GAS2: variants seen among roughly 807,000 people sequenced by gnomAD.
The protein encoded by GAS2 is growth arrest specific 2.
GAS2 carries 20 observed loss-of-function variants against 37.5 expected under a neutral mutation model. That is an observed-to-expected ratio of 0.53 (90% CI 0.37 to 0.77). GAS2 has a LOEUF of 0.77. GAS2 is among the 30% of genes least tolerant of loss of function. GAS2 has a pLI of 0.00. For synonymous variants in GAS2, 144 were observed against 132.2 expected (o/e 1.09, Z -0.61); for missense variants, 336 against 373.4 (o/e 0.90, Z 0.82).
chr11:22,765,438 T>C (rs987510552), intron 7 of GAS2, among the ~76,000 whole-genome samples: 1 of 152,194 alleles, frequency 6.6e-6, no homozygotes, highest in Non-Finnish European at 1.5e-5. Flanking sequence ...ATCCTATATT[T>C]CTATATACAT....
chr11:22,769,219 T>G (rs75569864), intron 7 of GAS2, among the ~76,000 whole-genome samples: 2,197 of 152,284 alleles, frequency 0.014, 57 homozygotes, highest in African/African-American at 0.05. Flanking sequence ...CAGGGTGATA[T>G]TTACAAAACA....
chr11:22,650,539 A>T (rs1252570571), intron 1 of GAS2, among the ~76,000 whole-genome samples: 6 of 147,738 alleles, frequency 4.1e-5, no homozygotes, highest in African/African-American at 9.9e-5. Flanking sequence ...CCCATTATTA[A>T]TGTGTGGGAG....
At chr11:22,737,835 T>G (rs894494217) in intron 5 of GAS2, 67 bp downstream of exon 5, 11 of 1,415,010 alleles carry the variant, frequency 7.8e-6, no homozygotes, top group Admixed American at 1.7e-5. Context: ...CACAGAAGCT[T>G]GCTGGCTTTT....
At chr11:22,644,068 A>G (rs1402995162) in intron 1 of GAS2, among the ~76,000 whole-genome samples, 1 of 152,202 alleles carries the variant, frequency 6.6e-6, no homozygotes, top group Non-Finnish European at 1.5e-5. Flanking sequence ...ATATGCATGT[A>G]CATTACCTGC....
chr11:22,772,330 C>T lies in GAS2; in HGVS notation c.723+16377C>T, dbSNP rs76465213. 3.6e-3 allele frequency among the ~76,000 whole-genome samples: 543 copies of T among 152,214 alleles called. 5 individuals are homozygous for T. Among genetic ancestry groups the T allele is most frequent in the African/African-American group, 0.012 (503 of 41,542 alleles). ...ACTTGGTTCAAGAGGAAGATGTTGG[C>T]GGACAGGTTTTCTTCAAATAATATG... On this transcript the variant is annotated intron_variant, in intron 7 of 7. Transcript: ENST00000454584.
At chr11:22,671,808 T>C (rs1270289470) in intron 1 of GAS2, among the ~76,000 whole-genome samples, 1 of 152,136 alleles carries the variant, frequency 6.6e-6, no homozygotes, top group Non-Finnish European at 1.5e-5. Flanking sequence ...ATAATCATTT[T>C]AGTTGGAAAC....
At chr11:22,732,898 G>A (rs1322712566) in intron 4 of GAS2, among the ~76,000 whole-genome samples, 1 of 151,300 alleles carries the variant, frequency 6.6e-6, no homozygotes, top group Non-Finnish European at 1.5e-5. Context: ...AACATATGTA[G>A]GAATTATAAC....
chr11:22,768,233 A>C (rs1854793930), intron 7 of GAS2, among the ~76,000 whole-genome samples: 2 of 152,218 alleles, frequency 1.3e-5, no homozygotes, highest in Admixed American at 1.3e-4. Flanking sequence ...TATATCATTC[A>C]ATTTTCTTTA....
At chr11:22,652,993 G>GTCTTTCTTTTTTTCTTTCTT (rs1848805951) in intron 1 of GAS2, among the ~76,000 whole-genome samples, 1 of 97,036 alleles carries the variant, frequency 1.0e-5, no homozygotes, top group East Asian at 2.4e-4. Context: ...TTCTTTCTTT[G>GTCTTTCTTTTTTTCTTTCTT]TCTTTCTTTC....
intron 4 of GAS2, among the ~76,000 whole-genome samples, chr11:22,735,655 C>A (rs1014048835): frequency 6.6e-6 from 1 of 151,790 alleles, no homozygotes; most frequent in Admixed American, 6.6e-5. Context: ...ACAGCACTCA[C>A]ATTATTATTT....
chr11:22,649,032 A>G (rs1239480852), intron 1 of GAS2, among the ~76,000 whole-genome samples: 1 of 152,232 alleles, frequency 6.6e-6, no homozygotes, highest in Non-Finnish European at 1.5e-5. Flanking sequence ...TTGCCCATTC[A>G]GTATGATATT....
At chr11:22,725,724 A>T (rs1428410184) in intron 3 of GAS2, among the ~76,000 whole-genome samples, 1 of 152,064 alleles carries the variant, frequency 6.6e-6, no homozygotes. Flanking sequence ...ACACACAGCA[A>T]ATGTTATCAT....
chr11:22,766,201 T>C (rs2134399850), intron 7 of GAS2, among the ~76,000 whole-genome samples: 1 of 152,072 alleles, frequency 6.6e-6, no homozygotes, highest in Non-Finnish European at 1.5e-5. Context: ...ACTCACCAAA[T>C]GCTTTCTGTG....
intron 7 of GAS2, among the ~76,000 whole-genome samples, chr11:22,772,768 G>A (rs1048617050): frequency 1.3e-5 from 2 of 152,280 alleles, no homozygotes; most frequent in East Asian, 3.9e-4. Context: ...AGTTTTGGCA[G>A]TGGTATCCCC....
At chr11:22,749,524 A>G (rs1198582880) in intron 6 of GAS2, among the ~76,000 whole-genome samples, 1 of 152,050 alleles carries the variant, frequency 6.6e-6, no homozygotes, top group Non-Finnish European at 1.5e-5. Flanking sequence ...TGAAAATTGT[A>G]TTTGAAAACA....
Position 22,714,273 on chromosome 11 carries a change from A to G in GAS2, c.268-12019A>G, listed in dbSNP as rs531072597. ...TTTAAAGGAAAAACAGTTAAAAAAG[A>G]TAAAGAGGGACATTATATAATGTTA... On this transcript the variant is annotated intron_variant, in intron 3 of 7. Transcript: ENST00000454584. 2.0e-5 allele frequency among the ~76,000 whole-genome samples: 3 copies of G among 152,334 alleles called. No homozygotes were observed. In the South Asian group the frequency reaches 6.2e-4, roughly 32 times the overall value.
intron 1 of GAS2, among the ~76,000 whole-genome samples, chr11:22,656,795 T>C (rs933421543): frequency 6.6e-6 from 1 of 152,208 alleles, no homozygotes; most frequent in Admixed American, 6.5e-5. Context: ...GATGTGTGTG[T>C]GTGTGTGTGT....
chr11:22,806,437 A>G lies in GAS2; in HGVS notation c.724-5361A>G, dbSNP rs1409854515. 2.0e-5 allele frequency among the ~76,000 whole-genome samples: 3 copies of G among 152,070 alleles called. No homozygotes were observed. The East Asian group carries it at 5.8e-4, about 29-fold the overall frequency. ...AGTGCAGATATCTGCACTTTGATAT[A>G]CTGATTTCATTTCGCTTGTATATAT... is the stretch of plus-strand genomic sequence containing the variant. On this transcript the variant is annotated intron_variant, in intron 7 of 7. Transcript: ENST00000454584.
At chr11:22,811,120 C>T (rs1420810457) in intron 7 of GAS2, among the ~76,000 whole-genome samples, 1 of 152,104 alleles carries the variant, frequency 6.6e-6, no homozygotes, top group Non-Finnish European at 1.5e-5. Context: ...GCATTCTTCA[C>T]ATTTAAATCA....
Sources: allele counts gnomAD v4.1 joint callset (sites outside exome capture counted in the v4.1 genomes callset), GRCh38; gene constraint gnomAD v4.1.1; transcripts MANE v1.5; gene names NCBI Gene and HGNC (gene_info 2026-07-23, HGNC 2026-07-21).